Variants in MPP7 observed in about 807,000 individuals in gnomAD.
MPP7 encodes MAGUK p55 scaffold protein 7.
In MPP7, 60 loss-of-function variants were observed where a neutral mutation model predicts 76.5. The observed-to-expected ratio is 0.78, with a 90% CI of 0.64 to 0.97. The LOEUF is 0.97. Ranked by LOEUF, MPP7 falls within the 50% of genes least tolerant of loss-of-function variation. The probability of loss-of-function intolerance (pLI) is 0.00; values close to 1 mark genes in which losing one functional copy is unlikely to be tolerated. For synonymous variants in MPP7, 237 were observed against 244.5 expected, an observed-to-expected ratio of 0.97 and a Z score of 0.29; for missense variants, 641 against 694.0, an observed-to-expected ratio of 0.92 and a Z score of 0.86.
At chr10:28,184,206 T>TTG (rs1554847747) in intron 3 of MPP7, among the ~76,000 whole-genome samples, 1 of 147,802 alleles carries the variant, frequency 6.8e-6, no homozygotes, top group Non-Finnish European at 1.5e-5. Flanking sequence ...ATATATATCT[T>TTG]TATATGTTAA....
At chr10:28,153,304 T>G (rs1041839635) in intron 3 of MPP7, among the ~76,000 whole-genome samples, 1 of 151,746 alleles carries the variant, frequency 6.6e-6, no homozygotes, top group Admixed American at 6.6e-5. Context: ...CCTGAGCAAC[T>G]GGAAGAGGAG....
At chr10:28,293,921 C>G (rs189710899) in intron 1 of MPP7, among the ~76,000 whole-genome samples, 73 of 152,260 alleles carry the variant, frequency 4.8e-4, no homozygotes, top group African/African-American at 1.7e-3. Context: ...GAGGGTTTCA[C>G]TAATGAAAGG....
chr10:28,216,427 C>T (rs1838312821), intron 2 of MPP7, among the ~76,000 whole-genome samples: 1 of 152,166 alleles, frequency 6.6e-6, no homozygotes, highest in South Asian at 2.1e-4. Context: ...TAACAATATA[C>T]TGACAATATT....
intron 1 of MPP7, among the ~76,000 whole-genome samples, chr10:28,331,774 C>T (rs868473832): frequency 5.3e-5 from 8 of 152,078 alleles, no homozygotes; most frequent in Non-Finnish European, 1.2e-4. Context: ...GAGATTTCAC[C>T]ATATTGGCCA....
intron 1 of MPP7, among the ~76,000 whole-genome samples, chr10:28,332,301 G>T (rs953583216): frequency 7.0e-6 from 1 of 143,374 alleles, no homozygotes; most frequent in African/African-American, 2.6e-5. Flanking sequence ...GGCTAATCTT[G>T]GGTACAGAAT....
chr10:28,139,127 G>C (rs1401955503), intron 5 of MPP7, among the ~76,000 whole-genome samples: 1 of 152,186 alleles, frequency 6.6e-6, no homozygotes, highest in Non-Finnish European at 1.5e-5. Flanking sequence ...AGGGGAAGAA[G>C]AGAGCTCCCC....
At chr10:28,243,804 T>TA (rs1222850059) in intron 1 of MPP7, among the ~76,000 whole-genome samples, 2 of 152,200 alleles carry the variant, frequency 1.3e-5, no homozygotes, top group Admixed American at 1.3e-4. Flanking sequence ...AGCCAGGAAT[T>TA]AAAGAAATTT....
chr10:28,188,958 G>A (rs1161545729), intron 3 of MPP7, among the ~76,000 whole-genome samples: 1 of 151,770 alleles, frequency 6.6e-6, no homozygotes. Context: ...CTTGCAAGAA[G>A]TGTTAAAAAG....
intron 2 of MPP7, among the ~76,000 whole-genome samples, chr10:28,315,210 TGGAA>T (rs1160264104): frequency 8.0e-5 from 8 of 100,128 alleles, no homozygotes; most frequent in African/African-American, 1.7e-4. Context: ...GAAGGAAGGA[TGGAA>T]GGAAGGAAGG....
At chr10:28,127,248 A>C (rs750498746) in intron 6 of MPP7, among the ~76,000 whole-genome samples, 3 of 152,214 alleles carry the variant, frequency 2.0e-5, no homozygotes, top group Non-Finnish European at 4.4e-5. Context: ...ATGTTTATTG[A>C]GAACTTACTC....
chr10:28,065,022 T>C (rs1458590557), intron 13 of MPP7, among the ~76,000 whole-genome samples: 2 of 152,220 alleles, frequency 1.3e-5, no homozygotes, highest in Non-Finnish European at 1.5e-5. Flanking sequence ...AGGCTTAATA[T>C]TCATTCATTA....
chr10:28,083,313 C>T lies in MPP7; in HGVS notation c.1123+6358G>A, dbSNP rs374939205. Among the ~76,000 whole-genome samples the T allele has an allele frequency of 1.4e-4, 21 of 152,240 alleles. No homozygotes were observed. In the East Asian group the frequency reaches 2.1e-3, roughly 15 times the overall value. Reference sequence around the variant, plus strand: ...CTGAAGGACAGTTACATAAAACCGCCTTGGCCATCACCAGATCCCACTGTA... The same window carrying T: ...CTGAAGGACAGTTACATAAAACCGCTTTGGCCATCACCAGATCCCACTGTA... On this transcript the variant is annotated intron_variant, in intron 12 of 16. Coordinates refer to ENST00000683449, the MANE Select transcript of MPP7 (RefSeq NM_001318170.2).
intron 13 of MPP7, among the ~76,000 whole-genome samples, chr10:28,068,413 A>C (rs569122227): frequency 5.9e-5 from 9 of 152,290 alleles, no homozygotes; most frequent in African/African-American, 1.9e-4. Flanking sequence ...TATACAAGTA[A>C]ATTTTTTAAA....
At chr10:28,065,458 C>G (rs1020191499) in intron 13 of MPP7, among the ~76,000 whole-genome samples, 1 of 152,074 alleles carries the variant, frequency 6.6e-6, no homozygotes, top group African/African-American at 2.4e-5. Context: ...ACAGGAACCT[C>G]ATGAACTCAT....
chr10:28,109,214 G>A (rs1264311730), intron 11 of MPP7, among the ~76,000 whole-genome samples: 7 of 152,082 alleles, frequency 4.6e-5, no homozygotes, highest in Admixed American at 2.6e-4. Context: ...CTTGAACCCC[G>A]GAGGCAGAGG....
At chr10:28,231,234 CA>C (rs1838873096) in intron 2 of MPP7, among the ~76,000 whole-genome samples, 1 of 147,882 alleles carries the variant, frequency 6.8e-6, no homozygotes, top group Non-Finnish European at 1.5e-5. Flanking sequence ...TAATCAATTA[CA>C]AAAATTCTAA....
chr10:28,121,046 G>C (rs1034444736), intron 8 of MPP7, among the ~76,000 whole-genome samples: 10 of 152,142 alleles, frequency 6.6e-5, no homozygotes, highest in Middle Eastern at 3.4e-3. Flanking sequence ...GCAGTGGCTC[G>C]TGTCTGTAAT....
chr10:28,193,116 G>A lies in MPP7; in HGVS notation c.156+9037C>T, dbSNP rs576542263. ...GTGGACAATAGAGCTAAATGTAAAC[G>A]CAAAACTGTAAAACTTCTAGGAGAT... On this transcript the variant is annotated intron_variant, in intron 3 of 16. Transcript: ENST00000683449. 2.0e-4 allele frequency among the ~76,000 whole-genome samples: 31 copies of A among 152,128 alleles called. No individual in the cohort carries two copies. The South Asian group carries it at 6.0e-3, about 30-fold the overall frequency.
intron 1 of MPP7, among the ~76,000 whole-genome samples, chr10:28,332,243 A>ATGTGTGTGTGTGTGTG (rs775712498): frequency 0.019 from 1,910 of 102,008 alleles, 19 homozygotes; most frequent in Non-Finnish European, 0.026. Flanking sequence ...TGTCAAATGT[A>ATGTGTGTGTGTGTGTG]TGCGTGTGTG....
Sources: gnomAD v4.1 joint callset for allele counts (sites outside exome capture counted in the v4.1 genomes callset) on GRCh38, gnomAD v4.1.1 for gene constraint, MANE v1.5 for transcripts, NCBI Gene and HGNC (gene_info 2026-07-23, HGNC 2026-07-21) for gene names.